Variants in SH3RF1 observed in about 807,000 individuals in gnomAD.
The protein encoded by SH3RF1 is E3 ubiquitin-protein ligase SH3RF1.
SH3RF1 carries 32 observed loss-of-function variants against 74.0 expected under a neutral mutation model. The observed-to-expected ratio is 0.43, with a 90% CI of 0.33 to 0.58. The LOEUF (loss-of-function observed/expected upper bound fraction) is 0.58. Among genes scored for constraint, SH3RF1 ranks in the 20% least tolerant of loss-of-function variants. The pLI is 0.05. For synonymous variants in SH3RF1, 396 were observed against 439.6 expected (o/e 0.90, Z 1.24); for missense variants, 954 against 1,130.9 (o/e 0.84, Z 2.24).
At chr4:169,107,353 CA>C in intron 10 of SH3RF1, 148 bp from the exon 11 acceptor site, 1 of 594,332 alleles carries the variant, frequency 1.7e-6, no homozygotes. Flanking sequence ...CTTATGGTTT[CA>C]ATGTTCGGTT....
At chr4:169,130,387 A>C (rs1214953330) in intron 5 of SH3RF1, among the ~76,000 whole-genome samples, 1 of 152,134 alleles carries the variant, frequency 6.6e-6, no homozygotes, top group African/African-American at 2.4e-5. Flanking sequence ...TGGTCACAAC[A>C]GTGTCTTACC....
At chr4:169,260,912 T>C (rs1206384543) in intron 2 of SH3RF1, among the ~76,000 whole-genome samples, 3 of 152,164 alleles carry the variant, frequency 2.0e-5, no homozygotes, top group Admixed American at 6.5e-5. Flanking sequence ...TAACTTTGGT[T>C]CTCATCATCC....
chr4:169,172,958 A>G (rs750805140), intron 2 of SH3RF1, among the ~76,000 whole-genome samples: 3 of 152,212 alleles, frequency 2.0e-5, no homozygotes, highest in Non-Finnish European at 4.4e-5. Flanking sequence ...TGTATTTTCT[A>G]TCATGAACAG....
chr4:169,137,141 C>T (rs1403095502), intron 4 of SH3RF1, among the ~76,000 whole-genome samples: 3 of 152,190 alleles, frequency 2.0e-5, no homozygotes, highest in Non-Finnish European at 4.4e-5. Flanking sequence ...GTATATTTAC[C>T]TCCTGCCTTT....
intron 2 of SH3RF1, among the ~76,000 whole-genome samples, chr4:169,169,113 T>C (rs1734287790): frequency 6.6e-6 from 1 of 152,220 alleles, no homozygotes; most frequent in Admixed American, 6.5e-5. Flanking sequence ...ATATTACTGT[T>C]ACTGTTCTTC....
intron 2 of SH3RF1, among the ~76,000 whole-genome samples, chr4:169,267,118 T>G (rs1473079158): frequency 6.6e-6 from 1 of 152,220 alleles, no homozygotes; most frequent in Non-Finnish European, 1.5e-5. Flanking sequence ...GCTTAGCAGT[T>G]CAGATAAATG....
At chr4:169,135,855 T>C (rs1733690900) in intron 5 of SH3RF1, among the ~76,000 whole-genome samples, 1 of 152,212 alleles carries the variant, frequency 6.6e-6, no homozygotes, top group Non-Finnish European at 1.5e-5. Flanking sequence ...TTTCTGTCCT[T>C]GCTCTTTTTC....
In SH3RF1 at chr4:169,122,192, G is replaced by C. The variant is rs532234015; in HGVS notation, c.1254C>G (p.Thr418=). The change falls in exon 7 of 12, where the codon ACC becomes ACG. Residue 418 remains threonine (T), a synonymous_variant. Coordinates refer to ENST00000284637, the MANE Select transcript of SH3RF1 (RefSeq NM_020870.4). The part of the protein sequence containing the change: ...TVLASTPPGA[T]AAAAAAGMGP... The stretch of plus-strand genomic sequence containing the variant: ...CCATTCCAGCAGCAGCAGCAGCGGC[G>C]GTGGCGCCTGGTGGTGTGGAGGCAA... 2 of 1,613,454 alleles carry C rather than the reference G, an allele frequency of 1.2e-6. No individual in the cohort carries two copies. The highest frequency in any genetic ancestry group is 1.3e-5 in the African/African-American group (1 of 74,914).
rs191992846 is a variant in SH3RF1, at chr4:169,220,452, T to C, written c.393+48368A>G. 2.2e-4 allele frequency: 34 copies of C among 152,356 alleles called. 1 individual carries two copies. Among genetic ancestry groups the C allele is most frequent in the Admixed American group, 2.0e-3 (31 of 15,302 alleles). The allele number at this position is 152,356 out of a possible 1,614,324, so 9.4% of individuals were successfully genotyped here. On this transcript the variant is annotated intron_variant, in intron 2 of 11. Transcript: ENST00000284637. ...CTGTTTGATCCTCTCCTCCACAGGATAAATTTTCCTTTTTCTAGTACATTT... is the reference window on the plus strand; with the variant it reads ...CTGTTTGATCCTCTCCTCCACAGGACAAATTTTCCTTTTTCTAGTACATTT...
intron 2 of SH3RF1, among the ~76,000 whole-genome samples, chr4:169,240,358 G>A (rs528274019): frequency 2.8e-4 from 43 of 151,842 alleles, no homozygotes; most frequent in African/African-American, 1.0e-3. Context: ...CACCATGCCC[G>A]CCTGATTTTT....
chr4:169,223,741 G>A (rs748286197), intron 2 of SH3RF1, among the ~76,000 whole-genome samples: 71 of 152,180 alleles, frequency 4.7e-4, no homozygotes, highest in Non-Finnish European at 7.1e-4. Context: ...TGTGATAAGC[G>A]CAAATAAAAA....
intron 11 of SH3RF1, among the ~76,000 whole-genome samples, chr4:169,102,394 GAT>G (rs1491265570): frequency 1.9e-4 from 28 of 148,012 alleles, no homozygotes; most frequent in African/African-American, 6.4e-4. Context: ...ATCATACATA[GAT>G]TTTTTTTTTT....
rs1297193657 is a variant in SH3RF1 at position 169,107,151 on chromosome 4, G to T, written c.2194C>A (p.Pro732Thr). ...GGCGATGCTGGAGGAGACACGCGGG[G>T]CTTCCGTTTAGTGGAGGCGCCAGAA... ...LLSGASTKRK[P>T]RVSPPASPTL... is the part of the protein sequence containing the mutation. The change falls in exon 11 of 12, where the codon CCC becomes ACC. Residue 732 changes from proline (P) to threonine (T), a missense_variant. Coordinates refer to ENST00000284637, the MANE Select transcript of SH3RF1 (RefSeq NM_020870.4). 1 of 1,590,328 alleles carries T rather than the reference G, an allele frequency of 6.3e-7. No individual in the cohort carries two copies. Among genetic ancestry groups the T allele is most frequent in the South Asian group, 1.1e-5 (1 of 87,740 alleles).
chr4:169,165,745 A>G (rs1295469720), intron 2 of SH3RF1, among the ~76,000 whole-genome samples: 1 of 152,214 alleles, frequency 6.6e-6, no homozygotes, highest in African/African-American at 2.4e-5. Flanking sequence ...TAATTTAAAC[A>G]TAAGGTTAAA....
chr4:169,131,837 C>T (rs1733625814), intron 5 of SH3RF1, among the ~76,000 whole-genome samples: 1 of 152,202 alleles, frequency 6.6e-6, no homozygotes, highest in African/African-American at 2.4e-5. Context: ...TGATTGTGGG[C>T]CAAGTCTTTG....
At chr4:169,210,493 T>G (rs1176920943) in intron 2 of SH3RF1, among the ~76,000 whole-genome samples, 1 of 152,232 alleles carries the variant, frequency 6.6e-6, no homozygotes, top group Non-Finnish European at 1.5e-5. Flanking sequence ...CCAAAAGTGG[T>G]GTAAGCCTCT....
intron 4 of SH3RF1, among the ~76,000 whole-genome samples, chr4:169,137,285 G>A (rs996490546): frequency 6.6e-6 from 1 of 152,140 alleles, no homozygotes; most frequent in Non-Finnish European, 1.5e-5. Context: ...TGAAATTCAA[G>A]TCCTATTGGC....
At chr4:169,193,385 ATG>A (rs1734760687) in intron 2 of SH3RF1, among the ~76,000 whole-genome samples, 1 of 152,128 alleles carries the variant, frequency 6.6e-6, no homozygotes, top group African/African-American at 2.4e-5. Flanking sequence ...AAAGCTGCAG[ATG>A]TGTTAGCTTC....
chr4:169,112,900 A>C (rs572350408), intron 10 of SH3RF1, among the ~76,000 whole-genome samples: 1 of 152,344 alleles, frequency 6.6e-6, no homozygotes, highest in South Asian at 2.1e-4. Flanking sequence ...TAATCTTCAG[A>C]CTGGAGGGGA....
Sources: allele counts gnomAD v4.1 joint callset (sites outside exome capture counted in the v4.1 genomes callset), GRCh38; gene constraint gnomAD v4.1.1; transcripts MANE v1.5; gene names NCBI Gene and HGNC (gene_info 2026-07-23, HGNC 2026-07-21).